The following SLIT3 variants were observed in gnomAD, a reference collection of about 807,000 sequenced individuals.
SLIT3 encodes the protein slit homolog 3 protein.
SLIT3 carries 68 observed loss-of-function variants against 184.0 expected under a neutral mutation model. The ratio of observed to expected loss-of-function variants is 0.37; its 90% CI spans 0.30 to 0.45. The LOEUF (loss-of-function observed/expected upper bound fraction) is 0.45, where lower values mean the gene tolerates loss of function less well. Ranked by LOEUF, SLIT3 falls within the 20% of genes least tolerant of loss-of-function variation. SLIT3 has a pLI of 1.00. For missense variants in SLIT3, 1,707 were observed against 2,026.0 expected (o/e 0.84, Z 3.02); for synonymous variants, 831 against 828.6 (o/e 1.00, Z -0.05).
chr5:168,712,651 G>A (rs547782789), intron 23 of SLIT3: 8 of 316,602 alleles, frequency 2.5e-5, no homozygotes, highest in South Asian at 5.5e-5. Context: ...GATAAGTTAC[G>A]TCACTTTTCT....
At chr5:168,890,922 G>C (rs1760431678) in intron 4 of SLIT3, among the ~76,000 whole-genome samples, 1 of 152,198 alleles carries the variant, frequency 6.6e-6, no homozygotes, top group South Asian at 2.1e-4. Flanking sequence ...GTGGAATGAT[G>C]ATTGCATCGG....
chr5:168,987,681 G>A (rs1419136180), intron 4 of SLIT3, among the ~76,000 whole-genome samples: 3 of 152,198 alleles, frequency 2.0e-5, no homozygotes, highest in South Asian at 2.1e-4. Flanking sequence ...TATAGGAACC[G>A]AATTGATTTA....
At chr5:168,766,731 G>A (rs1174884896) in intron 14 of SLIT3, among the ~76,000 whole-genome samples, 1 of 152,220 alleles carries the variant, frequency 6.6e-6, no homozygotes, top group East Asian at 1.9e-4. Flanking sequence ...GCCTCAGAAT[G>A]CCCCTCTCTG....
chr5:169,163,047 G>T (rs1434610127), intron 4 of SLIT3, among the ~76,000 whole-genome samples: 1 of 152,092 alleles, frequency 6.6e-6, no homozygotes, highest in African/African-American at 2.4e-5. Context: ...AAGGGGCTGG[G>T]CACGGTGGCT....
At chr5:168,787,256 G>A (rs555182772) in intron 11 of SLIT3, among the ~76,000 whole-genome samples, 3 of 152,218 alleles carry the variant, frequency 2.0e-5, no homozygotes, top group African/African-American at 7.2e-5. Context: ...GTCAGCTGAT[G>A]TCAGGACTTC....
chr5:169,071,537 G>A (rs1002754347), intron 4 of SLIT3, among the ~76,000 whole-genome samples: 1 of 152,162 alleles, frequency 6.6e-6, no homozygotes, highest in East Asian at 1.9e-4. Flanking sequence ...TATTATGAGA[G>A]CTTTTTCTCA....
At chr5:168,913,172 G>C in intron 4 of SLIT3, among the ~76,000 whole-genome samples, 1 of 149,866 alleles carries the variant, frequency 6.7e-6, no homozygotes, top group Non-Finnish European at 1.5e-5. Context: ...ACTAATTGCA[G>C]TTTTTGCCAT....
intron 4 of SLIT3, among the ~76,000 whole-genome samples, chr5:169,168,789 G>A (rs1377141544): frequency 6.6e-6 from 1 of 152,234 alleles, no homozygotes; most frequent in Non-Finnish European, 1.5e-5. Flanking sequence ...GCTGATGGCT[G>A]AAGTCTGAGC....
intron 8 of SLIT3, 119 bp downstream of exon 8, chr5:168,817,181 G>T: frequency 1.2e-6 from 1 of 864,098 alleles, no homozygotes; most frequent in Non-Finnish European, 1.9e-6. Flanking sequence ...CGACCTATGG[G>T]GTTCCTTCCA....
intron 4 of SLIT3, among the ~76,000 whole-genome samples, chr5:168,903,069 A>G (rs939026236): frequency 6.6e-5 from 10 of 152,252 alleles, no homozygotes; most frequent in Admixed American, 5.9e-4. Context: ...ACATCACTCA[A>G]TCAGCAGACC....
rs141634709 is a variant in SLIT3 at position 168,749,189 on chromosome 5, A to G, written c.2137+283T>C. On this transcript the variant is annotated intron_variant, in intron 19 of 35. Transcript: ENST00000519560. The stretch of plus-strand genomic sequence containing the variant: ...CAACAGTGTTCTCATAGATGGCAGT[A>G]TCTTGTTTTAATGGACAGGTGTCTT... Among the ~76,000 whole-genome samples, 2 of 152,342 alleles carry G rather than the reference A, an allele frequency of 1.3e-5. 1 individual carries two copies. The highest frequency in any genetic ancestry group is 2.9e-5 in the Non-Finnish European group (2 of 68,034).
intron 5 of SLIT3, among the ~76,000 whole-genome samples, chr5:168,864,727 A>G (rs766037552): frequency 6.6e-6 from 1 of 152,208 alleles, no homozygotes; most frequent in Non-Finnish European, 1.5e-5. Context: ...TGCCGTCTGA[A>G]GTCAAGATAA....
intron 12 of SLIT3, among the ~76,000 whole-genome samples, chr5:168,776,176 A>G (rs950625687): frequency 7.2e-5 from 11 of 152,166 alleles, no homozygotes; most frequent in Non-Finnish European, 1.2e-4. Context: ...GCAGTTGGCA[A>G]CGGTGGGGCT....
intron 4 of SLIT3, among the ~76,000 whole-genome samples, chr5:169,134,767 T>C (rs769494195): frequency 6.6e-6 from 1 of 152,194 alleles, no homozygotes; most frequent in Non-Finnish European, 1.5e-5. Context: ...ATAAAAAAAG[T>C]AGGCCCTGAC....
chr5:169,112,842 C>T (rs1760460741), intron 4 of SLIT3, among the ~76,000 whole-genome samples: 1 of 152,230 alleles, frequency 6.6e-6, no homozygotes, highest in African/African-American at 2.4e-5. Flanking sequence ...CCAAAAGCCA[C>T]AGCTTCTGTT....
intron 16 of SLIT3, among the ~76,000 whole-genome samples, chr5:168,755,486 G>T (rs912035461): frequency 6.9e-6 from 1 of 145,238 alleles, no homozygotes; most frequent in East Asian, 2.1e-4. Flanking sequence ...CCAGGCTAGA[G>T]AGCAATGGCG....
At chr5:168,886,358 C>T (rs950749285) in intron 4 of SLIT3, among the ~76,000 whole-genome samples, 2 of 152,134 alleles carry the variant, frequency 1.3e-5, no homozygotes, top group South Asian at 2.1e-4. Context: ...TCACAATTAT[C>T]GCAGGGCCTT....
chr5:169,071,955 G>A (rs1047559649), intron 4 of SLIT3, among the ~76,000 whole-genome samples: 2 of 152,170 alleles, frequency 1.3e-5, no homozygotes, highest in Non-Finnish European at 2.9e-5. Flanking sequence ...GGTAACAAAA[G>A]CTCCCTTTGA....
chr5:168,681,219 C>T (rs963516848), intron 32 of SLIT3, among the ~76,000 whole-genome samples: 4 of 152,160 alleles, frequency 2.6e-5, no homozygotes, highest in South Asian at 4.1e-4. Flanking sequence ...CCAGTGTCTC[C>T]AGTGAGAATG....
Sources: allele counts gnomAD v4.1 joint callset (sites outside exome capture counted in the v4.1 genomes callset), GRCh38; gene constraint gnomAD v4.1.1; transcripts MANE v1.5; gene names NCBI Gene and HGNC (gene_info 2026-07-23, HGNC 2026-07-21).